The following ADGRG6 variants were observed in gnomAD, a reference collection of about 807,000 sequenced individuals.
ADGRG6 encodes G-protein coupled receptor 126.
A neutral mutation model predicts 142.4 loss-of-function variants in ADGRG6; 84 were observed. The ratio of observed to expected loss-of-function variants is 0.59; its 90% CI spans 0.49 to 0.71. The LOEUF (loss-of-function observed/expected upper bound fraction) is 0.71, where lower values mean the gene tolerates loss of function less well. Among genes scored for constraint, ADGRG6 ranks in the 30% least tolerant of loss-of-function variants. The pLI is 0.00. For missense variants in ADGRG6, 1,367 were observed against 1,466.6 expected, an observed-to-expected ratio of 0.93 and a Z score of 1.11; for synonymous variants, 521 against 520.5, an observed-to-expected ratio of 1.00 and a Z score of -0.01.
intron 21 of ADGRG6, 41 bp downstream of exon 21, chr6:142,417,410 G>T: frequency 1.2e-6 from 1 of 841,328 alleles, no homozygotes; most frequent in Non-Finnish European, 2.0e-6. Flanking sequence ...GATATCCTTT[G>T]TTTCCTGAAG....
intron 2 of ADGRG6, among the ~76,000 whole-genome samples, chr6:142,328,129 T>G (rs1778867653): frequency 6.6e-6 from 1 of 152,174 alleles, no homozygotes; most frequent in Non-Finnish European, 1.5e-5. Context: ...ATCTTGGAGG[T>G]AAACCTCCAA....
intron 14 of ADGRG6, among the ~76,000 whole-genome samples, chr6:142,405,051 T>C (rs757757860): frequency 8.5e-5 from 13 of 152,140 alleles, no homozygotes; most frequent in African/African-American, 1.7e-4. Flanking sequence ...ACTGTGGAGA[T>C]AGAACAAACT....
intron 9 of ADGRG6, among the ~76,000 whole-genome samples, chr6:142,396,240 T>C (rs974678640): frequency 1.1e-4 from 16 of 152,204 alleles, no homozygotes; most frequent in African/African-American, 3.9e-4. Context: ...CAGGGATACT[T>C]TTTCATGGGC....
chr6:142,382,694 A>T lies in ADGRG6; in HGVS notation c.1138+675A>T, dbSNP rs150659755. On this transcript the variant is annotated intron_variant, in intron 5 of 24. Coordinates refer to ENST00000367609, the MANE Select transcript of ADGRG6 (RefSeq NM_198569.3). ...TTCCTAATTATCCATGACCCTTTTCATCTATTTATTCTATTAAATACTTCT... is the reference window on the plus strand; with the variant it reads ...TTCCTAATTATCCATGACCCTTTTCTTCTATTTATTCTATTAAATACTTCT... Among the ~76,000 whole-genome samples the T allele has an allele frequency of 1.1e-4, 16 of 152,286 alleles. 1 individual carries two copies. The East Asian group carries it at 3.1e-3, about 29-fold the overall frequency.
At chr6:142,350,210 G>A (rs935797081) in intron 2 of ADGRG6, among the ~76,000 whole-genome samples, 1 of 152,160 alleles carries the variant, frequency 6.6e-6, no homozygotes, top group African/African-American at 2.4e-5. Flanking sequence ...TTAGGCACTT[G>A]AAAATTTACT....
intron 22 of ADGRG6, among the ~76,000 whole-genome samples, chr6:142,434,661 A>G (rs1777390370): frequency 6.6e-6 from 1 of 152,142 alleles, no homozygotes; most frequent in Non-Finnish European, 1.5e-5. Context: ...CTTGAAATCA[A>G]TGACCAAATA....
intron 1 of ADGRG6, among the ~76,000 whole-genome samples, chr6:142,307,561 T>C (rs960829049): frequency 6.6e-6 from 1 of 152,032 alleles, no homozygotes; most frequent in African/African-American, 2.4e-5. Context: ...TGTACTGTTA[T>C]TTCCAGTTCT....
chr6:142,436,112 G>C (rs1363198092), intron 22 of ADGRG6, among the ~76,000 whole-genome samples: 2 of 152,080 alleles, frequency 1.3e-5, no homozygotes, highest in African/African-American at 4.8e-5. Context: ...TTGGAATCCT[G>C]GTGGGGGGTA....
chr6:142,414,939 T>A (rs1341295887), intron 18 of ADGRG6, 30 bp from the exon 19 acceptor site: 2 of 1,593,348 alleles, frequency 1.3e-6, no homozygotes, highest in Non-Finnish European at 1.7e-6. Context: ...GAAGAGAGTT[T>A]CTTACAGCTG....
At chr6:142,325,706 C>T (rs1778741444) in intron 2 of ADGRG6, among the ~76,000 whole-genome samples, 1 of 151,966 alleles carries the variant, frequency 6.6e-6, no homozygotes, top group South Asian at 2.1e-4. Flanking sequence ...CAAACTTTTA[C>T]TAATTTATCT....
chr6:142,382,030 C>A lies in ADGRG6; in HGVS notation c.1138+11C>A. 2 of 1,547,670 alleles carry A rather than the reference C, an allele frequency of 1.3e-6. No individual in the cohort carries two copies. Among genetic ancestry groups the A allele is most frequent in the African/African-American group, 1.4e-5 (1 of 73,690 alleles). ...GGACCCTCTGTCAAGGTAGGGAGCC[C>A]ACACCGTGCTCTGGAATCTCTTTGC... On this transcript the variant is annotated intron_variant, in intron 5 of 24. Transcript: ENST00000367609.
intron 22 of ADGRG6, among the ~76,000 whole-genome samples, chr6:142,433,205 T>C (rs566217760): frequency 1.3e-5 from 2 of 152,212 alleles, no homozygotes; most frequent in Non-Finnish European, 2.9e-5. Context: ...CAATGTGGAC[T>C]TCCTTCTCTG....
intron 19 of ADGRG6, 106 bp downstream of exon 19, chr6:142,415,202 C>A: frequency 1.6e-6 from 1 of 621,280 alleles, no homozygotes; most frequent in Non-Finnish European, 2.5e-6. Flanking sequence ...GGTGGTTGAA[C>A]GTTAATGTTC....
chr6:142,320,914 T>C (rs1057243849), intron 2 of ADGRG6, among the ~76,000 whole-genome samples: 1 of 152,026 alleles, frequency 6.6e-6, no homozygotes, highest in Non-Finnish European at 1.5e-5. Context: ...ATAAATTCTA[T>C]ATCTATCATA....
chr6:142,417,051 A>G (rs905778888), intron 20 of ADGRG6: 5 of 562,324 alleles, frequency 8.9e-6, no homozygotes, highest in Non-Finnish European at 1.6e-5. Flanking sequence ...ATTTAAGAGT[A>G]GGTTTGGATT....
intron 2 of ADGRG6, among the ~76,000 whole-genome samples, chr6:142,365,911 C>A (rs1024581147): frequency 6.6e-6 from 1 of 152,126 alleles, no homozygotes; most frequent in Admixed American, 6.6e-5. Flanking sequence ...GCATTCTAGT[C>A]AACTCAGTAA....
chr6:142,405,328 C>T (rs1019847781), intron 14 of ADGRG6: 1 of 460,826 alleles, frequency 2.2e-6, no homozygotes, highest in African/African-American at 2.0e-5. Flanking sequence ...TCTCCCTTGC[C>T]CCTTTCTCCC....
intron 18 of ADGRG6, among the ~76,000 whole-genome samples, chr6:142,411,975 G>T (rs1776111725): frequency 6.6e-6 from 1 of 152,072 alleles, no homozygotes; most frequent in South Asian, 2.1e-4. Context: ...AGAGATAATG[G>T]TTATGATGTT....
intron 20 of ADGRG6, 193 bp from the exon 21 acceptor site, chr6:142,417,080 A>G: frequency 1.6e-6 from 1 of 628,632 alleles, no homozygotes; most frequent in South Asian, 1.8e-5. Flanking sequence ...TTAGAGTTGG[A>G]CATTGAACCC....
Sources: gnomAD v4.1 joint callset for allele counts (sites outside exome capture counted in the v4.1 genomes callset) on GRCh38, gnomAD v4.1.1 for gene constraint, MANE v1.5 for transcripts, NCBI Gene and HGNC (gene_info 2026-07-23, HGNC 2026-07-21) for gene names.